Variants in FSTL5 observed in about 807,000 individuals in gnomAD.
FSTL5 encodes the protein follistatin like 5.
FSTL5 carries 62 observed loss-of-function variants against 89.1 expected under a neutral mutation model. That is an observed-to-expected ratio of 0.70 (90% CI 0.57 to 0.86). The LOEUF (loss-of-function observed/expected upper bound fraction) is 0.86. Among genes scored for constraint, FSTL5 ranks in the 40% least tolerant of loss-of-function variants. FSTL5 has a pLI of 0.00. For synonymous variants in FSTL5, 383 were observed against 346.2 expected (o/e 1.11, Z -1.18); for missense variants, 1,057 against 1,001.6 (o/e 1.06, Z -0.75).
intron 2 of FSTL5, among the ~76,000 whole-genome samples, chr4:162,102,696 AATATTTAT>A (rs1171219809): frequency 7.1e-6 from 1 of 141,052 alleles, no homozygotes; most frequent in Non-Finnish European, 1.6e-5. Context: ...ATATTTATAT[AATATTTAT>A]ATATTTATAT....
At chr4:161,568,166 C>T (rs1357850771) in intron 8 of FSTL5, among the ~76,000 whole-genome samples, 1 of 151,978 alleles carries the variant, frequency 6.6e-6, no homozygotes, top group Non-Finnish European at 1.5e-5. Flanking sequence ...GGCAGCTTTA[C>T]CCACAATGCA....
intron 6 of FSTL5, among the ~76,000 whole-genome samples, chr4:161,679,755 C>G (rs1490175925): frequency 6.6e-6 from 1 of 151,844 alleles, no homozygotes; most frequent in Non-Finnish European, 1.5e-5. Flanking sequence ...TCTCTTTCTT[C>G]ATTCAGTTGA....
At chr4:161,594,183 A>G (rs763376604) in intron 7 of FSTL5, among the ~76,000 whole-genome samples, 3 of 152,166 alleles carry the variant, frequency 2.0e-5, no homozygotes, top group Non-Finnish European at 2.9e-5. Flanking sequence ...AAAACTCATT[A>G]CAACCAGAAA....
At chr4:161,493,415 A>G (rs931738032) in intron 12 of FSTL5, among the ~76,000 whole-genome samples, 1 of 151,746 alleles carries the variant, frequency 6.6e-6, no homozygotes, top group African/African-American at 2.4e-5. Context: ...GGGGGACATG[A>G]AGGAATAATC....
At chr4:161,802,721 A>T (rs1729837383) in intron 4 of FSTL5, among the ~76,000 whole-genome samples, 1 of 151,768 alleles carries the variant, frequency 6.6e-6, no homozygotes, top group Non-Finnish European at 1.5e-5. Context: ...TTATGCTGCT[A>T]TTGAACAGAG....
intron 5 of FSTL5, 58 bp from the exon 6 acceptor site, chr4:161,759,589 T>G: frequency 9.6e-7 from 1 of 1,044,646 alleles, no homozygotes; most frequent in Non-Finnish European, 1.3e-6. Flanking sequence ...TTCTATAATA[T>G]AATTTATTAT....
At chr4:161,540,959 C>T (rs371906650) in intron 9 of FSTL5, among the ~76,000 whole-genome samples, 29 of 152,128 alleles carry the variant, frequency 1.9e-4, no homozygotes, top group African/African-American at 7.0e-4. Context: ...ATTTTAGTCT[C>T]TTACTGTTAT....
Position 161,486,904 on chromosome 4 carries a change from G to C in FSTL5, c.1459-5735C>G, listed in dbSNP as rs899348321. On this transcript the variant is annotated intron_variant, in intron 12 of 15. Transcript: ENST00000306100. ...CAACAAATGTCCTGTCCATTAGCTA[G>C]AGCACTCTACTTAATATTTCATGAA... Among the ~76,000 whole-genome samples the C allele has an allele frequency of 2.6e-5, 4 of 152,008 alleles. No homozygotes were observed. In the South Asian group the frequency reaches 6.2e-4, roughly 24 times the overall value.
chr4:161,611,768 G>A (rs1734662355), intron 7 of FSTL5, among the ~76,000 whole-genome samples: 3 of 152,290 alleles, frequency 2.0e-5, no homozygotes, highest in Non-Finnish European at 1.5e-5. Flanking sequence ...CTATCAGGAG[G>A]TAACTTTCTA....
chr4:161,886,028 TAA>T (rs34720174), intron 4 of FSTL5, among the ~76,000 whole-genome samples: 4 of 151,868 alleles, frequency 2.6e-5, no homozygotes, highest in South Asian at 2.1e-4. Flanking sequence ...AATTATTTGT[TAA>T]AAAAAAATAA....
chr4:161,831,956 A>G (rs1730859698), intron 4 of FSTL5, among the ~76,000 whole-genome samples: 1 of 152,022 alleles, frequency 6.6e-6, no homozygotes, highest in African/African-American at 2.4e-5. Flanking sequence ...AGTGATTCAG[A>G]TACTAATAAG....
chr4:161,751,987 A>G (rs1264498470), intron 6 of FSTL5, among the ~76,000 whole-genome samples: 2 of 152,318 alleles, frequency 1.3e-5, no homozygotes, highest in South Asian at 2.1e-4. Context: ...AAATCAAGGT[A>G]AGCTTAGAAT....
intron 4 of FSTL5, among the ~76,000 whole-genome samples, chr4:161,839,778 T>C (rs1363907834): frequency 3.9e-5 from 6 of 152,158 alleles, no homozygotes; most frequent in African/African-American, 1.4e-4. Flanking sequence ...ATATCTTGAT[T>C]GGAGTGGTGA....
intron 1 of FSTL5, among the ~76,000 whole-genome samples, chr4:162,159,925 G>T: frequency 6.6e-6 from 1 of 151,726 alleles, no homozygotes; most frequent in Non-Finnish European, 1.5e-5. Context: ...AAGCATTCTA[G>T]CCGAAATAAA....
At chr4:161,927,753 G>A (rs11729680) in intron 3 of FSTL5, among the ~76,000 whole-genome samples, 36,237 of 151,504 alleles carry the variant, frequency 0.24, 5,079 homozygotes, top group Non-Finnish European at 0.3. Flanking sequence ...AATATATTAA[G>A]CATTAAAATG....
intron 2 of FSTL5, among the ~76,000 whole-genome samples, chr4:162,100,493 C>T (rs1013589139): frequency 6.6e-6 from 1 of 152,042 alleles, no homozygotes; most frequent in Non-Finnish European, 1.5e-5. Flanking sequence ...CTGTATGATT[C>T]CAACTATATG....
intron 2 of FSTL5, among the ~76,000 whole-genome samples, chr4:162,095,719 A>G (rs1730723095): frequency 6.6e-6 from 1 of 152,020 alleles, no homozygotes; most frequent in African/African-American, 2.4e-5. Flanking sequence ...AAATTAAATG[A>G]TATTGTAGTT....
rs72981117 is a variant in FSTL5 at position 161,850,740 on chromosome 4, T to A, written c.409+69664A>T. On this transcript the variant is annotated intron_variant, in intron 4 of 15. Transcript: ENST00000306100. ...TTATAAAAGAAAAAATATTTTCGTTTGGAACCAACAATTACATGGAATCAA... is the reference window on the plus strand; with the variant it reads ...TTATAAAAGAAAAAATATTTTCGTTAGGAACCAACAATTACATGGAATCAA... 6.3e-3 allele frequency among the ~76,000 whole-genome samples: 966 copies of A among 152,296 alleles called. 11 individuals carry two copies. Among genetic ancestry groups the A allele is most frequent in the African/African-American group, 0.022 (898 of 41,568 alleles).
intron 15 of FSTL5, among the ~76,000 whole-genome samples, chr4:161,396,730 G>GTA (rs1276447338): frequency 1.1e-5 from 1 of 91,190 alleles, no homozygotes; most frequent in South Asian, 6.0e-4. Context: ...AATGAAAACT[G>GTA]TAAAAAAAAA....
Sources: allele counts gnomAD v4.1 joint callset (sites outside exome capture counted in the v4.1 genomes callset), GRCh38; gene constraint gnomAD v4.1.1; transcripts MANE v1.5; gene names NCBI Gene and HGNC (gene_info 2026-07-23, HGNC 2026-07-21).